Variants in TAF1 observed in about 807,000 individuals in gnomAD.
The protein encoded by TAF1 is TATA-box binding protein associated factor 1, also known as transcription initiation factor TFIID subunit 1.
In TAF1, 2 loss-of-function variants were observed where a neutral mutation model predicts 138.5. The ratio of observed to expected loss-of-function variants is 0.01; its 90% CI spans 0.01 to 0.05. The LOEUF (loss-of-function observed/expected upper bound fraction) is 0.05. Among genes scored for constraint, TAF1 ranks in the 10% least tolerant of loss-of-function variants. TAF1 has a pLI of 1.00. For synonymous variants in TAF1, 437 were observed against 503.2 expected (o/e 0.87, Z 1.76); for missense variants, 709 against 1,478.0 (o/e 0.48, Z 8.53).
chrX:71,374,580 G>A lies in TAF1; in HGVS notation c.353-587G>A, dbSNP rs754525858. 1.9e-3 allele frequency among the ~76,000 whole-genome samples: 206 copies of A among 111,004 alleles called. 1 individual carries two copies. The highest frequency in any genetic ancestry group is 3.0e-3 in the Non-Finnish European group (161 of 52,965). On this transcript the variant is annotated intron_variant, in intron 3 of 37. Coordinates refer to ENST00000423759, the MANE Select transcript of TAF1 (RefSeq NM_004606.5). ...CCCGACCTCAGCCTCCTGAGTAGCT[G>A]GTACTACAGGCGTGTGCCACCACGC...
chrX:71,523,417 A>G (rs2039940858), intron 13 of TAF1, among the ~76,000 whole-genome samples: 2 of 111,426 alleles, frequency 1.8e-5, no homozygotes, highest in Admixed American at 9.7e-5. Context: ...AAAGCAGAAA[A>G]TATTGCAATA....
chrX:71,379,048 G>T lies in TAF1; in HGVS notation c.1360+17G>T, dbSNP rs1433278453. ...TTCAGCAAGGTGTGCTTCTGTGCCA[G>T]CTGTGTCTAGCAGATACTGCCCTTA... On this transcript the variant is annotated intron_variant, in intron 8 of 37. Transcript: ENST00000423759. 3 of 1,194,656 alleles carry T rather than the reference G, an allele frequency of 2.5e-6. No homozygotes were observed. Among genetic ancestry groups the T allele is most frequent in the Non-Finnish European group, 2.3e-6 (2 of 882,869 alleles).
chrX:71,477,608 A>G (rs2039001322), intron 13 of TAF1, among the ~76,000 whole-genome samples: 1 of 112,395 alleles, frequency 8.9e-6, no homozygotes, highest in Non-Finnish European at 1.9e-5. Context: ...GAATATTTCT[A>G]TAGCCTTGGT....
chrX:71,400,132 C>T (rs2035099183), intron 24 of TAF1, among the ~76,000 whole-genome samples: 2 of 109,484 alleles, frequency 1.8e-5, no homozygotes, highest in African/African-American at 3.3e-5. Flanking sequence ...CTTAATCGCT[C>T]AGGCTGGAGT....
At chrX:71,459,471 G>C (rs1434194567) in intron 35 of TAF1, 81 bp from the exon 36 acceptor site, 93 of 1,135,892 alleles carry the variant, frequency 8.2e-5, no homozygotes, top group South Asian at 1.1e-4. Flanking sequence ...GGGGCGGGGA[G>C]GGGGGGTGTG....
chrX:71,516,500 C>T (rs1483926098), intron 13 of TAF1, among the ~76,000 whole-genome samples: 2 of 109,916 alleles, frequency 1.8e-5, no homozygotes, highest in Admixed American at 9.8e-5. Context: ...AGATGGGCCA[C>T]GTGCAGCGGC....
In TAF1 at chrX:71,383,895, GAAC is replaced by G. The variant is rs2034049125; in HGVS notation, c.1948-63_1948-61del. On this transcript the variant is annotated intron_variant, in intron 12 of 37. Transcript: ENST00000423759. Reference sequence around the variant, plus strand: ...GTTTTTGGTGTGTTTGTCTCAGATTGAACAACGTCATTGTGTGTAGTAGTGTCC... The same window carrying G: ...GTTTTTGGTGTGTTTGTCTCAGATTGAACGTCATTGTGTGTAGTAGTGTCC... 6 of 1,093,377 alleles carry G rather than the reference GAAC, an allele frequency of 5.5e-6. No homozygotes were observed. The Middle Eastern group carries it at 1.3e-3, about 232-fold the overall frequency. 90.1% of individuals were successfully genotyped at this position (1,093,377 alleles called of 1,213,427 possible). A position where few individuals can be genotyped will look rare whatever the true frequency, so the allele number is the denominator to read the frequency against.
Position 71,429,976 on chromosome X carries a change from ACTC to A in TAF1, c.4753+5740_4753+5742del, listed in dbSNP as rs1011476519. 6.3e-5 allele frequency among the ~76,000 whole-genome samples: 7 copies of A among 111,670 alleles called. No homozygotes were observed. In the South Asian group the frequency reaches 1.9e-3, roughly 30 times the overall value. ...CTAAGAAACTTCACTTCTAGGGACT[ACTC>A]CACACAAGTTTATAAAGGTACATGT... is the stretch of plus-strand genomic sequence containing the variant. On this transcript the variant is annotated intron_variant, in intron 32 of 37. Coordinates refer to ENST00000423759, the MANE Select transcript of TAF1 (RefSeq NM_004606.5).
At chrX:71,458,013 A>G (rs1331253157) in intron 34 of TAF1, among the ~76,000 whole-genome samples, 1 of 112,721 alleles carries the variant, frequency 8.9e-6, no homozygotes, top group Admixed American at 9.4e-5. Context: ...GCTTTGGTGC[A>G]TTTCTGCTTC....
At chrX:71,423,865 GAA>G (rs765643709) in intron 30 of TAF1, 107 bp from the exon 31 acceptor site, 64 of 586,073 alleles carry the variant, frequency 1.1e-4, no homozygotes, top group Non-Finnish European at 1.6e-4. Flanking sequence ...GTTTTTCTAG[GAA>G]AAGAGTCCAT....
chrX:71,393,019 G>A, intron 20 of TAF1, 25 bp downstream of exon 20: 3 of 1,209,743 alleles, frequency 2.5e-6, no homozygotes, highest in South Asian at 3.5e-5. Context: ...GGAAAATTTA[G>A]AGTATACTAG....
intron 13 of TAF1, among the ~76,000 whole-genome samples, chrX:71,504,741 C>CAAAAAAAAAAAAAA (rs41370846): frequency 1.4e-3 from 8 of 5,702 alleles, no homozygotes; most frequent in Admixed American, 2.8e-3. Flanking sequence ...GACCCTGTCT[C>CAAAAAAAAAAAAAA]AAAAAAAAAA....
intron 13 of TAF1, among the ~76,000 whole-genome samples, chrX:71,526,471 G>A (rs2039999240): frequency 9.0e-6 from 1 of 111,667 alleles, no homozygotes; most frequent in Admixed American, 9.6e-5. Context: ...TATGTGCAAG[G>A]CCACTTAAAA....
rs774265191 is a variant in TAF1, at chrX:71,378,448, A to G, written c.1147A>G (p.Ile383Val). The stretch of plus-strand genomic sequence containing the variant: ...TGAACCTGTGATAAAATCTAGAATG[A>G]TAGAGGTGAGCAACACTGGTATGTA... ...EHEPVIKSRM[I>V]EEFRKLEENN... Residue 383 changes from isoleucine (I) to valine (V), a missense_variant, in exon 7 of 38, where the codon ATA becomes GTA. By Grantham distance (29) the Ile-to-Val change is conservative. Around this residue, in one of 14 missense-constraint regions of TAF1, gnomAD observed 201 missense variants for 421.3 expected, o/e 0.48. Transcript: ENST00000423759. The G allele has an allele frequency of 2.5e-6, 3 of 1,211,520 alleles. No individual in the cohort carries two copies. Among genetic ancestry groups the G allele is most frequent in the Middle Eastern group, 2.3e-4 (1 of 4,355 alleles).
intron 25 of TAF1, 111 bp from the exon 26 acceptor site, chrX:71,406,527 T>C (rs1265937607): frequency 1.3e-6 from 1 of 744,926 alleles, no homozygotes. Context: ...GGCTTTTTCC[T>C]CGCTAGGCTC....
At chrX:71,381,095 G>A (rs185620083) in intron 8 of TAF1, among the ~76,000 whole-genome samples, 16 of 112,064 alleles carry the variant, frequency 1.4e-4, no homozygotes, top group East Asian at 8.4e-4. Context: ...ATAATTTACC[G>A]ATAACATGTT....
intron 34 of TAF1, among the ~76,000 whole-genome samples, chrX:71,457,441 TTG>T (rs1239590175): frequency 8.9e-6 from 1 of 112,549 alleles, no homozygotes; most frequent in African/African-American, 3.2e-5. Flanking sequence ...CAATATGGTT[TTG>T]TGTCTTAACT....
In TAF1 at chrX:71,393,185, CTG is replaced by C. The variant is rs911614465; in HGVS notation, c.3052-112_3052-111del. The C allele has an allele frequency of 1.0e-5, 11 of 1,094,799 alleles. No homozygotes were observed. The African/African-American group carries it at 1.3e-4, about 13-fold the overall frequency. The allele number at this position is 1,094,799 out of a possible 1,213,427, so 90.2% of individuals were successfully genotyped here. A position where few individuals can be genotyped will look rare whatever the true frequency, so the allele number is the denominator to read the frequency against. Reference sequence around the variant, plus strand: ...GGGTGATTTTTCTTTTTTGGTCTAACTGTGTACATTGGCTTGTCCTTTGAAAT... The same window carrying C: ...GGGTGATTTTTCTTTTTTGGTCTAACTGTACATTGGCTTGTCCTTTGAAAT... On this transcript the variant is annotated intron_variant, in intron 20 of 37. Coordinates refer to ENST00000423759, the MANE Select transcript of TAF1 (RefSeq NM_004606.5).
chrX:71,470,036 C>T (rs189580508), downstream of TAF1, among the ~76,000 whole-genome samples: 5 of 111,244 alleles, frequency 4.5e-5, no homozygotes, highest in Non-Finnish European at 7.5e-5. Flanking sequence ...TAAAGTGTTA[C>T]GTGCAACTAT....
Sources: allele counts gnomAD v4.1 joint callset (sites outside exome capture counted in the v4.1 genomes callset), GRCh38; gene constraint gnomAD v4.1.1; regional missense constraint gnomAD v4.1.1; transcripts MANE v1.5; gene names NCBI Gene and HGNC (gene_info 2026-07-23, HGNC 2026-07-21).